ADGRL3: variants seen among roughly 807,000 people sequenced by gnomAD.
ADGRL3 encodes adhesion G protein-coupled receptor L3, also known as calcium-independent alpha-latrotoxin receptor 3.
In ADGRL3, 62 loss-of-function variants were observed where a neutral mutation model predicts 153.5. The ratio of observed to expected loss-of-function variants is 0.40; its 90% CI spans 0.33 to 0.50. The LOEUF is 0.50. Ranked by LOEUF, ADGRL3 falls within the 20% of genes least tolerant of loss-of-function variation. The pLI is 0.47. For missense variants in ADGRL3, 1,641 were observed against 1,859.4 expected (o/e 0.88, Z 2.16); for synonymous variants, 710 against 672.5 (o/e 1.06, Z -0.86).
intron 9 of ADGRL3, among the ~76,000 whole-genome samples, chr4:61,874,433 C>G (rs1229550720): frequency 6.6e-6 from 1 of 152,154 alleles, no homozygotes; most frequent in Non-Finnish European, 1.5e-5. Flanking sequence ...TAATCACATA[C>G]ATCCCACCAC....
intron 8 of ADGRL3, among the ~76,000 whole-genome samples, chr4:61,762,961 T>C (rs974003945): frequency 5.3e-5 from 8 of 152,172 alleles, no homozygotes; most frequent in African/African-American, 1.9e-4. Flanking sequence ...CATTCAGTTT[T>C]GGTGCTACTC....
intron 13 of ADGRL3, among the ~76,000 whole-genome samples, chr4:61,926,768 T>A (rs1395706701): frequency 6.6e-6 from 1 of 152,244 alleles, no homozygotes; most frequent in Non-Finnish European, 1.5e-5. Flanking sequence ...TTTCAGTGAC[T>A]ATTTGTCGTC....
At chr4:61,640,587 A>G (rs2093621320) in intron 5 of ADGRL3, among the ~76,000 whole-genome samples, 1 of 152,080 alleles carries the variant, frequency 6.6e-6, no homozygotes, top group Non-Finnish European at 1.5e-5. Flanking sequence ...GATGGTGAGA[A>G]CTATGTTTTG....
intron 18 of ADGRL3, among the ~76,000 whole-genome samples, chr4:61,980,469 T>C (rs2099064247): frequency 6.6e-6 from 1 of 151,958 alleles, no homozygotes; most frequent in African/African-American, 2.4e-5. Flanking sequence ...AGAAAAGGTC[T>C]CACTCTGTCA....
chr4:61,831,421 A>C (rs1268041265), intron 9 of ADGRL3, among the ~76,000 whole-genome samples: 1 of 147,624 alleles, frequency 6.8e-6, no homozygotes, highest in East Asian at 2.0e-4. Context: ...TAAAAAAAAA[A>C]AAAAAAAAAA....
rs182714210 is a variant in ADGRL3, at chr4:61,787,442, T to C, written c.1400-26367T>C. ...TTTTTTGCTAGACAATATCTAGCGC[T>C]GTATGCTTTGAAAATATTATTGTAT... On this transcript the variant is annotated intron_variant, in intron 8 of 26. Coordinates refer to ENST00000683033, the MANE Select transcript of ADGRL3 (RefSeq NM_001387552.1). Among the ~76,000 whole-genome samples the C allele has an allele frequency of 3.9e-4, 60 of 152,166 alleles. No homozygotes were observed. The East Asian group carries it at 6.6e-3, about 17-fold the overall frequency.
At chr4:61,675,428 T>C (rs777991445) in intron 5 of ADGRL3, among the ~76,000 whole-genome samples, 4 of 151,892 alleles carry the variant, frequency 2.6e-5, no homozygotes, top group African/African-American at 9.7e-5. Flanking sequence ...TTATAGACAA[T>C]ATACTTAAGG....
intron 19 of ADGRL3, 32 bp downstream of exon 19, chr4:61,983,635 T>A (rs768445266): frequency 2.7e-5 from 43 of 1,585,760 alleles, no homozygotes; most frequent in Admixed American, 3.4e-5. Context: ...TTTTTAAATC[T>A]AGGTGAAATA....
At chr4:61,900,094 G>A (rs9884516) in intron 11 of ADGRL3, among the ~76,000 whole-genome samples, 2,815 of 152,134 alleles carry the variant, frequency 0.019, 95 homozygotes, top group African/African-American at 0.065. Flanking sequence ...GTTGAGTTAT[G>A]GTGGACATAT....
chr4:61,456,402 T>A (rs2097745211), intron 2 of ADGRL3, among the ~76,000 whole-genome samples: 1 of 82,984 alleles, frequency 1.2e-5, no homozygotes, highest in African/African-American at 4.0e-5. Flanking sequence ...TATATCTATA[T>A]CTATATATAT....
intron 1 of ADGRL3, among the ~76,000 whole-genome samples, chr4:61,230,722 A>T (rs1198931737): frequency 6.6e-6 from 1 of 152,114 alleles, no homozygotes; most frequent in East Asian, 1.9e-4. Context: ...ATTACTGTTT[A>T]TCCCATCCAC....
intron 1 of ADGRL3, among the ~76,000 whole-genome samples, chr4:61,310,008 A>C (rs1447293432): frequency 6.6e-6 from 1 of 151,808 alleles, no homozygotes; most frequent in Non-Finnish European, 1.5e-5. Context: ...TGTGTGCTGA[A>C]TGTATATGCA....
intron 1 of ADGRL3, among the ~76,000 whole-genome samples, chr4:61,375,485 A>G (rs560501867): frequency 1.3e-5 from 2 of 152,138 alleles, no homozygotes; most frequent in African/African-American, 2.4e-5. Context: ...TGAATCATCA[A>G]GTGTACTCCC....
chr4:61,712,243 A>C (rs1309223984), intron 6 of ADGRL3, among the ~76,000 whole-genome samples: 2 of 152,006 alleles, frequency 1.3e-5, no homozygotes, highest in Admixed American at 1.3e-4. Context: ...TAAATAAAAA[A>C]TTAGCCAGGC....
chr4:61,840,348 G>C (rs1453405816), intron 9 of ADGRL3, among the ~76,000 whole-genome samples: 1 of 152,198 alleles, frequency 6.6e-6, no homozygotes, highest in African/African-American at 2.4e-5. Flanking sequence ...CCAAAGTGCT[G>C]GGATTACAGG....
chr4:61,964,156 GTTCTTAGACAAATCATCTGAAC>G (rs1054590919), intron 17 of ADGRL3, among the ~76,000 whole-genome samples: 31 of 152,206 alleles, frequency 2.0e-4, no homozygotes, highest in African/African-American at 7.2e-4. Flanking sequence ...ATTCCTTTTT[GTTCTTAGACAAATCATCTGAAC>G]TTCTTGTTCC....
intron 1 of ADGRL3, among the ~76,000 whole-genome samples, chr4:61,207,125 G>A (rs1359835203): frequency 3.3e-5 from 5 of 151,810 alleles, no homozygotes; most frequent in South Asian, 2.1e-4. Context: ...AGGTATACAC[G>A]TGCCATGGTG....
chr4:61,663,556 G>A (rs2094681756), intron 5 of ADGRL3, among the ~76,000 whole-genome samples: 1 of 152,176 alleles, frequency 6.6e-6, no homozygotes, highest in Admixed American at 6.5e-5. Context: ...CTAGGCAGGT[G>A]TGGGATCTAG....
At chr4:61,795,905 C>T (rs191655526) in intron 8 of ADGRL3, among the ~76,000 whole-genome samples, 59 of 152,064 alleles carry the variant, frequency 3.9e-4, no homozygotes, top group African/African-American at 1.3e-3. Context: ...TGCAGTGGCA[C>T]GATCTCAGCT....
Sources: allele counts gnomAD v4.1 joint callset (sites outside exome capture counted in the v4.1 genomes callset), GRCh38; gene constraint gnomAD v4.1.1; transcripts MANE v1.5; gene names NCBI Gene and HGNC (gene_info 2026-07-23, HGNC 2026-07-21).